The following NDNF variants were observed in gnomAD, a reference collection of about 807,000 sequenced individuals.
NDNF encodes protein NDNF.
In NDNF, 16 loss-of-function variants were observed where a neutral mutation model predicts 42.0. The ratio of observed to expected loss-of-function variants is 0.38; its 90% CI spans 0.26 to 0.58. NDNF has a LOEUF of 0.58. Among genes scored for constraint, NDNF ranks in the 20% least tolerant of loss-of-function variants. The pLI is 0.67. For synonymous variants in NDNF, 248 were observed against 251.7 expected (o/e 0.99, Z 0.14); for missense variants, 616 against 666.2 (o/e 0.92, Z 0.83).
At chr4:121,059,356 T>G (rs1727360060) in intron 1 of NDNF, among the ~76,000 whole-genome samples, 1 of 152,220 alleles carries the variant, frequency 6.6e-6, no homozygotes, top group African/African-American at 2.4e-5. Flanking sequence ...TAACTATTGT[T>G]GCTGATGTGT....
At chr4:121,057,625 CCATTGTCAG>C (rs1444417197) in intron 1 of NDNF, among the ~76,000 whole-genome samples, 1 of 152,200 alleles carries the variant, frequency 6.6e-6, no homozygotes, top group African/African-American at 2.4e-5. Context: ...CAGCCAGTCC[CCATTGTCAG>C]CATGGTTTTA....
intron 1 of NDNF, among the ~76,000 whole-genome samples, chr4:121,047,507 T>C (rs1283415495): frequency 6.6e-6 from 1 of 152,200 alleles, no homozygotes; most frequent in Admixed American, 6.5e-5. Context: ...GAGCCCAGTG[T>C]TCATCCTCTG....
chr4:121,050,344 CA>C (rs1319707126), intron 1 of NDNF, among the ~76,000 whole-genome samples: 1 of 152,146 alleles, frequency 6.6e-6, no homozygotes, highest in Non-Finnish European at 1.5e-5. Flanking sequence ...CCTCTAATGG[CA>C]TAACTTTTCC....
intron 1 of NDNF, among the ~76,000 whole-genome samples, chr4:121,060,736 T>C (rs1235079467): frequency 2.0e-5 from 3 of 152,210 alleles, no homozygotes; most frequent in Non-Finnish European, 4.4e-5. Flanking sequence ...TGCTTCATTC[T>C]GTGGGCCTAA....
Position 121,036,780 on chromosome 4 carries a change from CAGA to C in NDNF, c.1188_1190del (p.Leu397del), listed in dbSNP as rs752982810. 3 of 1,614,162 alleles carry C rather than the reference CAGA, an allele frequency of 1.9e-6. No individual in the cohort carries two copies. Among genetic ancestry groups the C allele is most frequent in the African/African-American group, 1.3e-5 (1 of 75,056 alleles). The stretch of plus-strand genomic sequence containing the variant: ...GCTGAATGCCTTCCACATTCTGAGA[CAGA>C]AGAAGTTTCCCATCTCTTCTCACTT... On this transcript the variant is annotated inframe_deletion, in exon 4 of 4. Coordinates refer to ENST00000379692, the MANE Select transcript of NDNF (RefSeq NM_024574.4).
At chr4:121,071,754 A>AAACAAAC (rs1553925714) in intron 1 of NDNF, 1 of 86,398 alleles carries the variant, frequency 1.2e-5, no homozygotes, top group South Asian at 3.8e-4. Context: ...ACAAACAAAC[A>AAACAAAC]AACAACAACA....
rs1004940651 is a variant in NDNF at position 121,045,360 on chromosome 4, A to G, written c.188+290T>C. Among the ~76,000 whole-genome samples the G allele has an allele frequency of 1.2e-4, 19 of 152,170 alleles. 1 individual carries two copies. Among genetic ancestry groups the G allele is most frequent in the African/African-American group, 3.6e-4 (15 of 41,516 alleles). On this transcript the variant is annotated intron_variant, in intron 2 of 3. Coordinates refer to ENST00000379692, the MANE Select transcript of NDNF (RefSeq NM_024574.4). The stretch of plus-strand genomic sequence containing the variant: ...GAGCGAGACTCCGTCTCAGGGAAAA[A>G]AAAAAAAAAATCCTCCTGTACTGAA...
chr4:121,043,132 T>A (rs1727030001), intron 2 of NDNF, among the ~76,000 whole-genome samples: 1 of 152,176 alleles, frequency 6.6e-6, no homozygotes, highest in Admixed American at 6.5e-5. Context: ...ATAATCTACA[T>A]GTTCGAGATA....
chr4:121,051,952 G>A (rs996642601), intron 1 of NDNF, among the ~76,000 whole-genome samples: 8 of 152,274 alleles, frequency 5.3e-5, no homozygotes, highest in African/African-American at 1.9e-4. Flanking sequence ...GTTCTTTTGG[G>A]CTTTCATGTA....
intron 1 of NDNF, among the ~76,000 whole-genome samples, chr4:121,055,792 G>A (rs1279360301): frequency 6.6e-6 from 1 of 151,764 alleles, no homozygotes; most frequent in Non-Finnish European, 1.5e-5. Flanking sequence ...TTAGAGAAAG[G>A]CAATACATAC....
At position 121,040,066 on chromosome 4, in the gene NDNF, T is replaced by C. The variant is rs1385511045; in HGVS notation, c.189-12A>G. 6.2e-7 allele frequency: 1 copy of C among 1,612,608 alleles called. No homozygotes were observed. Among genetic ancestry groups the C allele is most frequent in the Non-Finnish European group, 8.5e-7 (1 of 1,179,398 alleles). ...CCACAAAGAAATACCTGTGGGAAAGTGGACCACTTTAGACCGTGGTAATTC... is the reference window on the plus strand; with the variant it reads ...CCACAAAGAAATACCTGTGGGAAAGCGGACCACTTTAGACCGTGGTAATTC... On this transcript the variant is annotated splice_polypyrimidine_tract_variant and intron_variant, in intron 2 of 3. Coordinates refer to ENST00000379692, the MANE Select transcript of NDNF (RefSeq NM_024574.4).
At chr4:121,058,668 A>G (rs1449350940) in intron 1 of NDNF, among the ~76,000 whole-genome samples, 2 of 152,004 alleles carry the variant, frequency 1.3e-5, no homozygotes, top group African/African-American at 4.8e-5. Context: ...TTCAATCCCC[A>G]TGTCCTATTA....
chr4:121,043,073 C>T (rs1727029128), intron 2 of NDNF, among the ~76,000 whole-genome samples: 1 of 152,084 alleles, frequency 6.6e-6, no homozygotes, highest in African/African-American at 2.4e-5. Flanking sequence ...TATTGTCTAC[C>T]ATGCACAAAG....
chr4:121,060,305 T>G (rs1727381943), intron 1 of NDNF, among the ~76,000 whole-genome samples: 1 of 152,014 alleles, frequency 6.6e-6, no homozygotes, highest in Admixed American at 6.6e-5. Flanking sequence ...CTCAGCCGCC[T>G]AAGTAGCTGT....
At chr4:121,067,030 T>C (rs1319870555) in intron 1 of NDNF, among the ~76,000 whole-genome samples, 2 of 152,202 alleles carry the variant, frequency 1.3e-5, no homozygotes, top group Non-Finnish European at 2.9e-5. Context: ...TGCATGCATG[T>C]TGTGAATTGT....
intron 1 of NDNF, among the ~76,000 whole-genome samples, chr4:121,047,368 A>C (rs993128701): frequency 6.6e-6 from 1 of 152,210 alleles, no homozygotes; most frequent in Non-Finnish European, 1.5e-5. Context: ...GCACTGTTCT[A>C]AGTTCACGAG....
chr4:121,050,749 C>T (rs1464625355), intron 1 of NDNF, among the ~76,000 whole-genome samples: 1 of 152,052 alleles, frequency 6.6e-6, no homozygotes, highest in Non-Finnish European at 1.5e-5. Context: ...TTGTCAAAGG[C>T]CTTCTTCACA....
At chr4:121,067,604 G>A in intron 1 of NDNF, among the ~76,000 whole-genome samples, 1 of 151,996 alleles carries the variant, frequency 6.6e-6, no homozygotes, top group Non-Finnish European at 1.5e-5. Context: ...AAAAAAATTG[G>A]CATTGTAATA....
At chr4:121,056,813 C>T (rs1727304370) in intron 1 of NDNF, among the ~76,000 whole-genome samples, 1 of 152,228 alleles carries the variant, frequency 6.6e-6, no homozygotes, top group South Asian at 2.1e-4. Flanking sequence ...GGTGATTCTA[C>T]TGGCAATGTC....
Sources: allele counts gnomAD v4.1 joint callset (sites outside exome capture counted in the v4.1 genomes callset), GRCh38; gene constraint gnomAD v4.1.1; transcripts MANE v1.5; gene names NCBI Gene and HGNC (gene_info 2026-07-23, HGNC 2026-07-21).